MTOR: variants seen among roughly 807,000 people sequenced by gnomAD.
MTOR encodes the protein serine/threonine-protein kinase mTOR.
In MTOR, 70 loss-of-function variants were observed where a neutral mutation model predicts 319.8. The ratio of observed to expected loss-of-function variants is 0.22; its 90% CI spans 0.18 to 0.27. MTOR has a LOEUF of 0.27. MTOR is among the 10% of genes least tolerant of loss of function. The pLI is 1.00. For synonymous variants in MTOR, 1,183 were observed against 1,211.4 expected (o/e 0.98, Z 0.49); for missense variants, 1,890 against 3,274.4 (o/e 0.58, Z 10.32).
intron 28 of MTOR, among the ~76,000 whole-genome samples, chr1:11,181,976 G>A (rs1256312905): frequency 1.3e-5 from 2 of 152,182 alleles, no homozygotes; most frequent in Non-Finnish European, 2.9e-5. Flanking sequence ...CCAGCACTTT[G>A]GGAGGCCAAG....
intron 28 of MTOR, among the ~76,000 whole-genome samples, chr1:11,173,295 A>G (rs1297758173): frequency 6.8e-6 from 1 of 147,650 alleles, no homozygotes; most frequent in East Asian, 2.0e-4. Flanking sequence ...CGCCTAGCCC[A>G]CTCTCTTTTT....
chr1:11,225,623 T>C (rs4845857), intron 19 of MTOR, among the ~76,000 whole-genome samples: 92,864 of 151,816 alleles, frequency 0.61, 31,462 homozygotes, highest in East Asian at 0.87. Context: ...GGTTTCTCCA[T>C]GTTGGCCAGG....
chr1:11,204,427 T>C (rs1646074058), intron 26 of MTOR, 134 bp downstream of exon 26: 6 of 1,251,456 alleles, frequency 4.8e-6, no homozygotes. Context: ...AATTTGTCTT[T>C]CTCTTTCTTT....
chr1:11,167,401 G>A, intron 29 of MTOR, 41 bp downstream of exon 29: 1 of 1,538,998 alleles, frequency 6.5e-7, no homozygotes, highest in Non-Finnish European at 9.0e-7. Context: ...CCCTAGCCAA[G>A]TCTCTACCTC....
At chr1:11,153,512 G>A (rs889302190) in intron 30 of MTOR, among the ~76,000 whole-genome samples, 4 of 152,166 alleles carry the variant, frequency 2.6e-5, no homozygotes, top group Non-Finnish European at 4.4e-5. Context: ...CTTCCATCTC[G>A]TTTTATCTTT....
At chr1:11,239,969 C>T (rs1470830759) in intron 11 of MTOR, among the ~76,000 whole-genome samples, 1 of 151,760 alleles carries the variant, frequency 6.6e-6, no homozygotes, top group East Asian at 1.9e-4. Context: ...CCCAAAAGCC[C>T]CTACTTATAC....
intron 6 of MTOR, among the ~76,000 whole-genome samples, 196 bp from the exon 7 acceptor site, chr1:11,248,290 G>A (rs1474000165): frequency 6.6e-6 from 1 of 152,162 alleles, no homozygotes; most frequent in Non-Finnish European, 1.5e-5. Flanking sequence ...TTCTAAGTTA[G>A]GCAGAAGAGC....
At chr1:11,107,544 T>G in intron 57 of MTOR, 44 bp from the exon 58 acceptor site, 1 of 1,603,714 alleles carries the variant, frequency 6.2e-7, no homozygotes, top group Non-Finnish European at 8.5e-7. Context: ...AATTTGAGCT[T>G]CTTCAAAGGT....
At chr1:11,200,976 C>T (rs1645949881) in intron 26 of MTOR, among the ~76,000 whole-genome samples, 1 of 151,044 alleles carries the variant, frequency 6.6e-6, no homozygotes, top group South Asian at 2.1e-4. Flanking sequence ...GATCACACCA[C>T]TGCACTCCAG....
At position 11,128,074 on chromosome 1, in the gene MTOR, T is replaced by C; in HGVS notation, c.5963A>G (p.His1988Arg). The C allele has an allele frequency of 6.2e-7, 1 of 1,614,174 alleles. No individual in the cohort carries two copies. Among genetic ancestry groups the C allele is most frequent in the Non-Finnish European group, 8.5e-7 (1 of 1,180,040 alleles). The change falls in exon 43 of 58, where the codon CAC (histidine) becomes CGC (arginine). Residue 1988 changes from histidine to arginine, a missense_variant. Transcript: ENST00000361445. The surrounding 1 kb of genome is among the most constrained non-coding windows in gnomAD (Gnocchi z 5.3). ...VASKSTTTAR[H>R]NAANKILKNM... is the part of the protein sequence containing the mutation. ...CTTCAGAATCTTGTTGGCTGCATTGTGCCGGGCTGTCGTGGTAGACTTAGA... is the reference window on the plus strand; with the variant it reads ...CTTCAGAATCTTGTTGGCTGCATTGCGCCGGGCTGTCGTGGTAGACTTAGA...
rs1277684077 is a variant in MTOR, at chr1:11,115,393, C to T, written c.7089+3G>A. 1 of 1,613,984 alleles carries T rather than the reference C, an allele frequency of 6.2e-7. No individual in the cohort carries two copies. On this transcript the variant is annotated splice_donor_region_variant and intron_variant, in intron 51 of 57. Transcript: ENST00000361445. The surrounding 1 kb of genome is among the most constrained non-coding windows in gnomAD (Gnocchi z 4.5). ...AGGTTGGGGTTCTAGAACATGTGTT[C>T]ACCTCAAAGCAGTCCCCAAAGTCAA...
At chr1:11,182,334 T>C (rs940922927) in intron 28 of MTOR, among the ~76,000 whole-genome samples, 27 of 151,094 alleles carry the variant, frequency 1.8e-4, no homozygotes, top group African/African-American at 6.6e-4. Flanking sequence ...TAGACTAGAG[T>C]AGTCAGCAAA....
At chr1:11,149,630 A>T (rs1352200308) in intron 31 of MTOR, 1 of 153,132 alleles carries the variant, frequency 6.5e-6, no homozygotes, top group Non-Finnish European at 1.5e-5. Flanking sequence ...CCTGATTTAC[A>T]GCTGGTCAGT....
Position 11,192,461 on chromosome 1 carries a change from GAA to G in MTOR, c.4253+6795_4253+6796del. 3 of 1,191,166 alleles carry G rather than the reference GAA, an allele frequency of 2.5e-6. No homozygotes were observed. In the East Asian group the frequency reaches 7.0e-5, roughly 28 times the overall value. 73.8% of individuals were successfully genotyped at this position (1,191,166 alleles called of 1,614,324 possible). Reference sequence around the variant, plus strand: ...ACAACAGGGCCATTCACAGTTTAAAGAAAGGAAAATTCGGCTGGGCGCAGTGG... The same window carrying G: ...ACAACAGGGCCATTCACAGTTTAAAGAGGAAAATTCGGCTGGGCGCAGTGG... On this transcript the variant is annotated intron_variant, in intron 28 of 57. Transcript: ENST00000361445.
intron 36 of MTOR, among the ~76,000 whole-genome samples, chr1:11,134,833 G>T (rs1428040580): frequency 6.6e-6 from 1 of 152,182 alleles, no homozygotes; most frequent in Non-Finnish European, 1.5e-5. Context: ...AGGCTTTTGG[G>T]AATTGTTTCA....
At chr1:11,169,537 C>A (rs147063346) in intron 28 of MTOR, among the ~76,000 whole-genome samples, 1,713 of 152,264 alleles carry the variant, frequency 0.011, 67 homozygotes, top group South Asian at 0.065. Flanking sequence ...GACGTGATAA[C>A]AAGTTTGAGG....
chr1:11,135,246 G>A (rs531851742), intron 36 of MTOR, among the ~76,000 whole-genome samples: 76 of 151,998 alleles, frequency 5.0e-4, no homozygotes, highest in African/African-American at 1.8e-3. Flanking sequence ...CACTTTTAAA[G>A]GGAAAAACAA....
intron 57 of MTOR, 89 bp downstream of exon 57, chr1:11,108,092 C>A: frequency 9.7e-7 from 1 of 1,035,148 alleles, no homozygotes. Flanking sequence ...GATACCTCAC[C>A]AAATCTCTTT....
At chr1:11,210,482 T>G (rs1557426809) in intron 24 of MTOR, among the ~76,000 whole-genome samples, 1 of 152,140 alleles carries the variant, frequency 6.6e-6, no homozygotes, top group Non-Finnish European at 1.5e-5. Flanking sequence ...GTTTTTATAC[T>G]TTTAAATGGT....
Sources: gnomAD v4.1 joint callset for allele counts (sites outside exome capture counted in the v4.1 genomes callset) on GRCh38, gnomAD v4.1.1 for gene constraint, Gnocchi (gnomAD v3.1) non-coding constraint, MANE v1.5 for transcripts, NCBI Gene and HGNC (gene_info 2026-07-23, HGNC 2026-07-21) for gene names.